Variants in PLCD3 observed in about 807,000 individuals in gnomAD.
PLCD3 encodes 1-phosphatidylinositol 4,5-bisphosphate phosphodiesterase delta-3.
In PLCD3, 62 loss-of-function variants were observed where a neutral mutation model predicts 82.8. That is an observed-to-expected ratio of 0.75 (90% CI 0.61 to 0.93). PLCD3 has a LOEUF of 0.93. PLCD3 is among the 40% of genes least tolerant of loss of function. The pLI, the probability that PLCD3 is intolerant of heterozygous loss-of-function variation, is 0.00. For missense variants in PLCD3, 1,023 were observed against 1,103.4 expected (o/e 0.93, Z 1.03); for synonymous variants, 478 against 471.8 (o/e 1.01, Z -0.17).
chr17:45,121,687 C>T (rs531388721), intron 1 of PLCD3, among the ~76,000 whole-genome samples: 25 of 152,352 alleles, frequency 1.6e-4, no homozygotes, highest in African/African-American at 5.0e-4. Context: ...GGACTCAGGC[C>T]TCACTAAAGG....
In PLCD3 at chr17:45,115,163, TGGGGGCA is replaced by T. The variant is rs1175915805; in HGVS notation, c.1635_1641del (p.Ala546ThrfsTer35). 6.3e-7 allele frequency: 1 copy of T among 1,598,214 alleles called. No individual in the cohort carries two copies. Among genetic ancestry groups the T allele is most frequent in the Non-Finnish European group, 8.5e-7 (1 of 1,172,690 alleles). On this transcript the variant is annotated frameshift_variant, in exon 10 of 15. Coordinates refer to ENST00000619929, the MANE Select transcript of PLCD3 (RefSeq NM_133373.5). LOFTEE classifies it high-confidence loss of function. ...CTGACCTGGCAGGGTTGTGGGGCGT[TGGGGGCA>T]GGGTGCAGGGTCCGCAGGCGGGTGG...
At chr17:45,123,003 G>GA (rs1390416129) in intron 1 of PLCD3, among the ~76,000 whole-genome samples, 8 of 151,772 alleles carry the variant, frequency 5.3e-5, no homozygotes, top group East Asian at 1.9e-4. Flanking sequence ...AAATCAAATT[G>GA]AAAAAAAATA....
rs1057332784 is a variant in PLCD3, at chr17:45,109,387, G to T, written c.*3229C>A. 6.6e-6 allele frequency: 1 copy of T among 152,386 alleles called. No individual in the cohort carries two copies. The highest frequency in any genetic ancestry group is 1.9e-4 in the East Asian group (1 of 5,200). 9.4% of individuals were successfully genotyped at this position (152,386 alleles called of 1,614,324 possible). A position where few individuals can be genotyped will look rare whatever the true frequency, so the allele number is the denominator to read the frequency against. ...CTCCTCTGGTGGAGGTGCAGGCCCC[G>T]TGCCTTCCCACTGTGCCCAGGTGCC... On this transcript the variant is annotated 3_prime_UTR_variant, in exon 15 of 15. Coordinates refer to ENST00000619929, the MANE Select transcript of PLCD3 (RefSeq NM_133373.5).
rs1300408234 is a variant in PLCD3 at position 45,115,480 on chromosome 17, C to T, written c.1424G>A (p.Gly475Asp). Residue 475 changes from glycine (G) to aspartate (D), a missense_variant, in exon 9 of 15, where the codon GGC (glycine) becomes GAC (aspartate). Around this residue, in one of 3 missense-constraint regions of PLCD3, gnomAD observed 553 missense variants for 655.7 expected, o/e 0.84. Coordinates refer to ENST00000619929, the MANE Select transcript of PLCD3 (RefSeq NM_133373.5). Reference protein sequence around the residue: ...EELPSPEQLKGRVLVKGKKLP... With the variant: ...EELPSPEQLKDRVLVKGKKLP... ...CTTCTTTCCCTTCACCAGGACCCGG[C>T]CCTTCAGCTGCTGTGGGGGCCAACG... The T allele has an allele frequency of 6.2e-7, 1 of 1,609,802 alleles. No homozygotes were observed. Among genetic ancestry groups the T allele is most frequent in the Non-Finnish European group, 8.5e-7 (1 of 1,178,376 alleles).
Position 45,117,987 on chromosome 17 carries a change from G to A in PLCD3, c.1260+7C>T, listed in dbSNP as rs535522301. The A allele has an allele frequency of 3.0e-4, 482 of 1,612,954 alleles. 4 individuals are homozygous for A. The South Asian group carries it at 5.0e-3, about 17-fold the overall frequency. ...TGGGGCTGGGGCTGGGCATCCCAGG[G>A]GCTCACCGTGAAGGCATGGTCGCGC... is the stretch of plus-strand genomic sequence containing the variant. On this transcript the variant is annotated splice_region_variant and intron_variant, in intron 7 of 14. Coordinates refer to ENST00000619929, the MANE Select transcript of PLCD3 (RefSeq NM_133373.5).
At position 45,120,355 on chromosome 17, in the gene PLCD3, C is replaced by T. The variant is rs759144026; in HGVS notation, c.654G>A (p.Met218Ile). Reference protein sequence around the residue: ...KSLLRMVNVDMNDMYAYLLFK... With the variant: ...KSLLRMVNVDINDMYAYLLFK... ...AGAGGAGGTAGGCGTACATGTCGTT[C>T]ATGTCCACGTTGACCATTCTCAGCA... is the stretch of plus-strand genomic sequence containing the variant. The change falls in exon 4 of 15, where the codon ATG becomes ATA. Residue 218 changes from methionine to isoleucine, a missense_variant. By Grantham distance (10) the Met-to-Ile change is conservative. This residue lies in a region of PLCD3 where 448 missense variants were observed against 406.3 expected (regional missense o/e 1.10). Coordinates refer to ENST00000619929, the MANE Select transcript of PLCD3 (RefSeq NM_133373.5). 6.2e-7 allele frequency: 1 copy of T among 1,614,024 alleles called. No individual in the cohort carries two copies. The highest frequency in any genetic ancestry group is 1.7e-5 in the Admixed American group (1 of 60,032).
At position 45,132,375 on chromosome 17, in the gene PLCD3, C is replaced by T; in HGVS notation, c.36G>A (p.Pro12=). Residue 12 remains proline, a synonymous_variant, in exon 1 of 15, where the codon CCG becomes CCA. Coordinates refer to ENST00000619929, the MANE Select transcript of PLCD3 (RefSeq NM_133373.5). This position sits in a 1 kb window ranked among gnomAD's most constrained non-coding sequence, Gnocchi z 4.6. Reference sequence around the variant, plus strand: ...GGGCGGCCACCGGGGGCTCCTCGGGCGGGCGGCGGCAACGCCTCCAGCGGC... The same window carrying T: ...GGGCGGCCACCGGGGGCTCCTCGGGTGGGCGGCGGCAACGCCTCCAGCGGC... ...LCGRWRRCRR[P]PEEPPVAAQV... is the part of the protein sequence containing the mutation. 6 of 1,228,176 alleles carry T rather than the reference C, an allele frequency of 4.9e-6. No homozygotes were observed. The highest frequency in any genetic ancestry group is 4.2e-5 in the Admixed American group (1 of 23,546). 76.1% of individuals were successfully genotyped at this position (1,228,176 alleles called of 1,614,324 possible).
chr17:45,127,403 C>G (rs1452683650), intron 1 of PLCD3, among the ~76,000 whole-genome samples: 2 of 152,240 alleles, frequency 1.3e-5, no homozygotes, highest in Admixed American at 6.5e-5. Context: ...CCCAGTTTCT[C>G]AACTTCCACC....
At chr17:45,120,218 AG>A in intron 4 of PLCD3, 106 bp downstream of exon 4, 1 of 1,469,128 alleles carries the variant, frequency 6.8e-7, no homozygotes, top group South Asian at 1.3e-5. Flanking sequence ...GCTCCAAAAA[AG>A]CTGCAGGTGG....
rs1034959672 is a variant in PLCD3, at chr17:45,120,968, C to G, written c.488G>C (p.Trp163Ser). The G allele has an allele frequency of 6.6e-7, 1 of 1,522,772 alleles. No homozygotes were observed. Among genetic ancestry groups the G allele is most frequent in the African/African-American group, 1.4e-5 (1 of 71,266 alleles). The allele number at this position is 1,522,772 out of a possible 1,614,324, so 94.3% of individuals were successfully genotyped here. The change falls in exon 3 of 15, where the codon TGG becomes TCG. Residue 163 changes from tryptophan to serine, a missense_variant. Trp to Ser is a radical substitution (Grantham distance 177). This residue lies in a region of PLCD3 where 448 missense variants were observed against 406.3 expected (regional missense o/e 1.10). Transcript: ENST00000619929. ...GCGGAGCTTGGTCAGACCGCGCACC[C>G]AGCGCTGCGCTTCCTCAGCCGTGGG... ...AAPTAEEAQR[W>S]VRGLTKLRAR...
chr17:45,132,273 G>C lies in PLCD3; in HGVS notation c.138C>G (p.Pro46=), dbSNP rs753795826. 7.8e-7 allele frequency: 1 copy of C among 1,274,788 alleles called. No individual in the cohort carries two copies. 79.0% of individuals were successfully genotyped at this position (1,274,788 alleles called of 1,614,324 possible). A position where few individuals can be genotyped will look rare whatever the true frequency, so the allele number is the denominator to read the frequency against. ...CCATCTTCTTCAGCGCCCGCAGCCC[G>C]GGCCTCTTGGTGCCGCCATCGGAGG... ...PTPSDGGTKR[P]GLRALKKMGL... The change falls in exon 1 of 15, where the codon CCC becomes CCG. Residue 46 remains proline (P), a synonymous_variant. Transcript: ENST00000619929. The surrounding 1 kb of genome is among the most constrained non-coding windows in gnomAD (Gnocchi z 4.6).
chr17:45,120,703 C>G (rs999874694), intron 3 of PLCD3, among the ~76,000 whole-genome samples, 199 bp downstream of exon 3: 20 of 152,224 alleles, frequency 1.3e-4, no homozygotes, highest in Non-Finnish European at 2.9e-5. Flanking sequence ...GCCGCGCCAC[C>G]CCTCCTGGTG....
rs1456620573 is a variant in PLCD3 at position 45,113,243 on chromosome 17, C to T, written c.2010G>A (p.Gln670=). 1 of 1,607,170 alleles carries T rather than the reference C, an allele frequency of 6.2e-7. No homozygotes were observed. Among genetic ancestry groups the T allele is most frequent in the East Asian group, 2.2e-5 (1 of 44,610 alleles). ...TTLSIQVLTA[Q]QLPKLNAEKP... ...TCTCGGCATTCAGCTTGGGCAGCTG[C>T]TGTGCAGTCAGCACCTGTGGGTGAG... The change falls in exon 13 of 15, where the codon CAG becomes CAA. Residue 670 remains glutamine, a synonymous_variant. Transcript: ENST00000619929.
rs772167519 is a variant in PLCD3 at position 45,118,048 on chromosome 17, G to C, written c.1206C>G (p.Thr402=). 1.9e-6 allele frequency: 3 copies of C among 1,613,828 alleles called. No homozygotes were observed. The Admixed American group carries it at 5.0e-5, about 27-fold the overall frequency. Residue 402 remains threonine (T), a synonymous_variant, in exon 7 of 15, where the codon ACC becomes ACG. Transcript: ENST00000619929. This position sits in a 1 kb window ranked among gnomAD's most constrained non-coding sequence, Gnocchi z 4.1. The stretch of plus-strand genomic sequence containing the variant: ...CCACGTCCCGGAAGAGAATCTTGGA[G>C]GTGAGGGTATGGCCATGATAGATGA... ...EPVIYHGHTL[T]SKILFRDVVQ...
At position 45,132,138 on chromosome 17, in the gene PLCD3, T is replaced by C; in HGVS notation, c.163+110A>G. 7.9e-6 allele frequency: 9 copies of C among 1,136,236 alleles called. No homozygotes were observed. Among genetic ancestry groups the C allele is most frequent in the Non-Finnish European group, 1.0e-5 (9 of 902,444 alleles). The allele number at this position is 1,136,236 out of a possible 1,614,324, so 70.4% of individuals were successfully genotyped here. On this transcript the variant is annotated intron_variant, in intron 1 of 14. Coordinates refer to ENST00000619929, the MANE Select transcript of PLCD3 (RefSeq NM_133373.5). This position sits in a 1 kb window ranked among gnomAD's most constrained non-coding sequence, Gnocchi z 4.6. The stretch of plus-strand genomic sequence containing the variant: ...TGGCCCTCCGCCCCTAGCCATAGCC[T>C]CCCAGCCCCGTGCAGCCTGGGGAAT...
chr17:45,118,215 AG>A lies in PLCD3; in HGVS notation c.1115+75del, dbSNP rs1187177225. 22 of 1,610,934 alleles carry A rather than the reference AG, an allele frequency of 1.4e-5. No homozygotes were observed. In the Admixed American group the frequency reaches 2.7e-4, roughly 20 times the overall value. On this transcript the variant is annotated intron_variant, in intron 6 of 14. Transcript: ENST00000619929. The surrounding 1 kb of genome is among the most constrained non-coding windows in gnomAD (Gnocchi z 4.1). ...AGCAGGGCAGCAGGCAGGCTGGGCC[AG>A]GAAGGCCCCAGGAAGCCAGCCCATG...
At chr17:45,116,385 C>T (rs2054291729) in intron 8 of PLCD3, among the ~76,000 whole-genome samples, 1 of 151,818 alleles carries the variant, frequency 6.6e-6, no homozygotes, top group African/African-American at 2.4e-5. Context: ...GACACAGGGC[C>T]AGCAGGGCAA....
intron 1 of PLCD3, among the ~76,000 whole-genome samples, chr17:45,123,964 C>CCCCCCCCCCCCCCCCCCCCCT (rs767288821): frequency 6.9e-6 from 1 of 145,136 alleles, no homozygotes; most frequent in Non-Finnish European, 1.5e-5. Flanking sequence ...AGACCCCCCC[C>CCCCCCCCCCCCCCCCCCCCCT]CCAACCAGGT....
At chr17:45,126,416 C>T (rs1488851097) in intron 1 of PLCD3, among the ~76,000 whole-genome samples, 2 of 137,238 alleles carry the variant, frequency 1.5e-5, no homozygotes, top group Non-Finnish European at 3.0e-5. Context: ...TGCAGTGGCA[C>T]GATCTCAGCT....
Sources: gnomAD v4.1 joint callset for allele counts (sites outside exome capture counted in the v4.1 genomes callset) on GRCh38, gnomAD v4.1.1 for gene constraint, gnomAD v4.1.1 regional missense constraint, Gnocchi (gnomAD v3.1) non-coding constraint, MANE v1.5 for transcripts, NCBI Gene and HGNC (gene_info 2026-07-23, HGNC 2026-07-21) for gene names.